The following SYCP3 variants were observed in gnomAD, a reference collection of about 807,000 sequenced individuals.
SYCP3 encodes the protein synaptonemal complex protein 3.
Under a neutral mutation model 38.5 loss-of-function variants are expected in SYCP3, and 29 were observed. The ratio of observed to expected loss-of-function variants is 0.75; its 90% CI spans 0.56 to 1.03. The LOEUF (loss-of-function observed/expected upper bound fraction) is 1.03, where lower values mean the gene tolerates loss of function less well. SYCP3 is among the 50% of genes least tolerant of loss of function. The probability of loss-of-function intolerance (pLI) is 0.00; values close to 1 mark genes in which losing one functional copy is unlikely to be tolerated. For missense variants in SYCP3, 242 were observed against 270.7 expected (o/e 0.89, Z 0.74); for synonymous variants, 79 against 80.3 (o/e 0.98, Z 0.08).
intron 7 of SYCP3, among the ~76,000 whole-genome samples, chr12:101,731,346 A>C (rs1272050816): frequency 6.6e-6 from 1 of 152,316 alleles, no homozygotes; most frequent in Non-Finnish European, 1.5e-5. Flanking sequence ...TCTAAGTAAA[A>C]TTCCCAATTT....
chr12:101,734,937 G>T lies in SYCP3; in HGVS notation c.343C>A (p.Gln115Lys), dbSNP rs1278328624. The T allele has an allele frequency of 1.2e-6, 2 of 1,607,104 alleles. No individual in the cohort carries two copies. The highest frequency in any genetic ancestry group is 8.5e-7 in the Non-Finnish European group (1 of 1,173,914). Residue 115 changes from glutamine to lysine, a missense_variant, in exon 5 of 9, where the codon CAA becomes AAA. Coordinates refer to ENST00000392924, the MANE Select transcript of SYCP3 (RefSeq NM_001177949.2). ...QKIEHVWKTQQDQRQKLNQEY... is the reference protein window; with the variant it reads ...QKIEHVWKTQKDQRQKLNQEY... ...AAGCAACCACCTTACCTTTGATCTT[G>T]TTGTGTTTTCCAAACATGTTCAATT...
intron 7 of SYCP3, 86 bp from the exon 8 acceptor site, chr12:101,729,299 T>C: frequency 7.7e-7 from 1 of 1,306,202 alleles, no homozygotes; most frequent in Admixed American, 2.2e-5. Context: ...TCAAAAGTAG[T>C]AATTTTTGAA....
rs1333301972 is a variant in SYCP3, at chr12:101,735,869, A to ATTT, written c.236-826_236-825insAAA. Among the ~76,000 whole-genome samples the ATTT allele has an allele frequency of 1.4e-3, 87 of 60,108 alleles. 3 individuals carry two copies. In the East Asian group the frequency reaches 0.043, roughly 30 times the overall value. The allele number at this position is 60,108 out of a possible 152,430, so 39.4% of individuals were successfully genotyped here. A position where few individuals can be genotyped will look rare whatever the true frequency, so the allele number is the denominator to read the frequency against. On this transcript the variant is annotated intron_variant, in intron 4 of 8. Coordinates refer to ENST00000392924, the MANE Select transcript of SYCP3 (RefSeq NM_001177949.2). ...ATCAATTTTATATATATATATATAT[A>ATTT]TATTTTTTTTTTTTTAAAGACACGG...
intron 8 of SYCP3, 28 bp downstream of exon 8, chr12:101,729,081 T>G: frequency 6.2e-7 from 1 of 1,607,976 alleles, no homozygotes; most frequent in Middle Eastern, 1.7e-4. Context: ...TTAATCCTTA[T>G]TTTTTCAATT....
Position 101,729,685 on chromosome 12 carries a change from C to G in SYCP3, c.553-472G>C, listed in dbSNP as rs1952097564. On this transcript the variant is annotated intron_variant, in intron 7 of 8. Coordinates refer to ENST00000392924, the MANE Select transcript of SYCP3 (RefSeq NM_001177949.2). ...CAACAAACAGTTAATCTGGTGCCTACTATGTAAAAGGTGTGTATTAAGTGC... is the reference window on the plus strand; with the variant it reads ...CAACAAACAGTTAATCTGGTGCCTAGTATGTAAAAGGTGTGTATTAAGTGC... The G allele has an allele frequency of 1.9e-5, 3 of 157,026 alleles. No individual in the cohort carries two copies. In the South Asian group the frequency reaches 5.7e-4, roughly 30 times the overall value. The allele number at this position is 157,026 out of a possible 1,614,324, so 9.7% of individuals were successfully genotyped here. A position where few individuals can be genotyped will look rare whatever the true frequency, so the allele number is the denominator to read the frequency against.
At chr12:101,731,738 C>T in intron 6 of SYCP3, 72 bp from the exon 7 acceptor site, 1 of 1,051,368 alleles carries the variant, frequency 9.5e-7, no homozygotes, top group Non-Finnish European at 1.3e-6. Flanking sequence ...AAAAATAATT[C>T]TACATTAAAC....
chr12:101,738,195 A>G (rs1952536638), intron 1 of SYCP3, among the ~76,000 whole-genome samples: 1 of 152,038 alleles, frequency 6.6e-6, no homozygotes, highest in South Asian at 2.1e-4. Context: ...AGGTTGAGGC[A>G]GGCAGATCAC....
intron 1 of SYCP3, among the ~76,000 whole-genome samples, chr12:101,738,211 G>C (rs1165293586): frequency 6.6e-6 from 1 of 151,950 alleles, no homozygotes; most frequent in South Asian, 2.1e-4. Context: ...ATCACCTGAG[G>C]TCAGGAGTTC....
chr12:101,729,251 A>G, intron 7 of SYCP3, 38 bp from the exon 8 acceptor site: 4 of 1,587,378 alleles, frequency 2.5e-6, no homozygotes, highest in Non-Finnish European at 3.5e-6. Flanking sequence ...ACAAAGGACC[A>G]CTTTTCATCT....
intron 6 of SYCP3, chr12:101,733,303 G>T: frequency 2.5e-6 from 1 of 404,610 alleles, no homozygotes; most frequent in Non-Finnish European, 4.6e-6. Context: ...AAGCTAAACT[G>T]CCCCGACTTC....
At position 101,739,400 on chromosome 12, in the gene SYCP3, G is replaced by GTCCTCCACAAC. The variant is rs1490111518; in HGVS notation, c.-78_-68dup. ...GACCAGTTACTGGTCGTCGACAGGC[G>GTCCTCCACAAC]TCCTCCACAACTCCTCCACAAGCGC... On this transcript the variant is annotated 5_prime_UTR_variant, in exon 1 of 9. Coordinates refer to ENST00000392924, the MANE Select transcript of SYCP3 (RefSeq NM_001177949.2). The GTCCTCCACAAC allele has an allele frequency of 2.0e-6, 2 of 1,002,584 alleles. No individual in the cohort carries two copies. Among genetic ancestry groups the GTCCTCCACAAC allele is most frequent in the South Asian group, 4.7e-5 (1 of 21,386 alleles). The allele number at this position is 1,002,584 out of a possible 1,614,324, so 62.1% of individuals were successfully genotyped here.
chr12:101,731,715 T>C, intron 6 of SYCP3, 49 bp from the exon 7 acceptor site: 1 of 1,363,502 alleles, frequency 7.3e-7, no homozygotes, highest in Non-Finnish European at 9.9e-7. Context: ...TTGGGTAAAA[T>C]TTTAAATTTA....
intron 5 of SYCP3, among the ~76,000 whole-genome samples, chr12:101,734,436 C>T (rs1952317976): frequency 6.6e-6 from 1 of 152,054 alleles, no homozygotes; most frequent in Admixed American, 6.6e-5. Flanking sequence ...TATAACCTCA[C>T]TTGTTACCTA....
intron 1 of SYCP3, among the ~76,000 whole-genome samples, chr12:101,738,271 AAAC>A (rs1332334271): frequency 3.3e-5 from 5 of 150,866 alleles, no homozygotes; most frequent in Admixed American, 6.6e-5. Context: ...TGAAAAAAAA[AAAC>A]AAAATTAACC....
intron 1 of SYCP3, among the ~76,000 whole-genome samples, chr12:101,738,325 G>A (rs1952546452): frequency 6.6e-6 from 1 of 151,294 alleles, no homozygotes; most frequent in Admixed American, 6.6e-5. Flanking sequence ...CTGCTCAGGA[G>A]GCTGAGGCAG....
intron 7 of SYCP3, chr12:101,730,490 AAT>A (rs1491300269): frequency 5.1e-6 from 2 of 391,698 alleles, no homozygotes; most frequent in East Asian, 8.4e-5. Flanking sequence ...GTGTGTGTAT[AAT>A]TTTTTTTTTT....
At chr12:101,738,234 G>A (rs1952540311) in intron 1 of SYCP3, among the ~76,000 whole-genome samples, 1 of 151,616 alleles carries the variant, frequency 6.6e-6, no homozygotes, top group African/African-American at 2.4e-5. Flanking sequence ...GACCAGCCTG[G>A]CCAACATGAT....
At position 101,729,098 on chromosome 12, in the gene SYCP3, T is replaced by C. The variant is rs556626824; in HGVS notation, c.657+11A>G. 6.2e-7 allele frequency: 1 copy of C among 1,608,854 alleles called. No individual in the cohort carries two copies. The highest frequency in any genetic ancestry group is 2.2e-5 in the East Asian group (1 of 44,702). The stretch of plus-strand genomic sequence containing the variant: ...AATCCTTATTTTTTCAATTTCAATA[T>C]GATCACTTACAGTTTCCATCATAAT... On this transcript the variant is annotated intron_variant, in intron 8 of 8. Transcript: ENST00000392924.
intron 1 of SYCP3, among the ~76,000 whole-genome samples, chr12:101,738,957 TCAAGA>T (rs1190761652): frequency 6.6e-6 from 1 of 152,104 alleles, no homozygotes; most frequent in African/African-American, 2.4e-5. Context: ...CTCATAATAA[TCAAGA>T]CAAATAATAA....
Sources: gnomAD v4.1 joint callset for allele counts (sites outside exome capture counted in the v4.1 genomes callset) on GRCh38, gnomAD v4.1.1 for gene constraint, MANE v1.5 for transcripts, NCBI Gene and HGNC (gene_info 2026-07-23, HGNC 2026-07-21) for gene names.